Variants in ZNF469 observed in about 807,000 individuals in gnomAD.
ZNF469 encodes zinc finger protein 469.
A neutral mutation model predicts 1.0 loss-of-function variants in ZNF469; 1 was observed. The observed-to-expected ratio is 1.00, with a 90% CI of 0.35 to 4.73. ZNF469 has a LOEUF of 4.73. Ranked by LOEUF, ZNF469 falls within the 30% of genes most tolerant of loss-of-function variation. The pLI is 0.16. For synonymous variants in ZNF469, 2,703 were observed against 2,363.4 expected, an observed-to-expected ratio of 1.14 and a Z score of -4.17; for missense variants, 6,100 against 5,356.3, an observed-to-expected ratio of 1.14 and a Z score of -4.33.
the ZNF469 span, among the ~76,000 whole-genome samples, chr16:88,287,830 C>T: frequency 0.72 from 109,669 of 152,068 alleles, 40,137 homozygotes; most frequent in East Asian, 0.94. Flanking sequence ...GCGCTGACTT[C>T]ATGGTGATCA....
At chr16:88,105,459 C>G in the ZNF469 span, among the ~76,000 whole-genome samples, 8 of 152,074 alleles carry the variant, frequency 5.3e-5, no homozygotes, top group African/African-American at 1.9e-4. Flanking sequence ...CACCTGTGAC[C>G]ACGCCCAGCT....
chr16:88,238,539 C>A, the ZNF469 span, among the ~76,000 whole-genome samples: 7,974 of 152,248 alleles, frequency 0.052, 681 homozygotes, highest in African/African-American at 0.18. Context: ...CTTTCCAAGC[C>A]AACTTGAGGG....
At chr16:88,288,915 T>C in the ZNF469 span, among the ~76,000 whole-genome samples, 167 of 152,256 alleles carry the variant, frequency 1.1e-3, no homozygotes, top group African/African-American at 4.0e-3. Context: ...AGTCATTTAA[T>C]GACAAAGAGC....
the ZNF469 span, among the ~76,000 whole-genome samples, chr16:88,121,822 T>G: frequency 6.6e-6 from 1 of 152,204 alleles, no homozygotes; most frequent in South Asian, 2.1e-4. Flanking sequence ...TGTTTATGAT[T>G]AGGAATTTAT....
chr16:88,321,139 G>C, the ZNF469 span, among the ~76,000 whole-genome samples: 1 of 152,254 alleles, frequency 6.6e-6, no homozygotes, highest in African/African-American at 2.4e-5. Context: ...CAGGGACCAA[G>C]CTCCTCCTGT....
the ZNF469 span, among the ~76,000 whole-genome samples, chr16:88,254,011 A>C: frequency 2.0e-5 from 3 of 152,014 alleles, no homozygotes; most frequent in Non-Finnish European, 2.9e-5. Flanking sequence ...AGAAATTATC[A>C]ATTTTGATAA....
At chr16:88,148,053 AC>A in the ZNF469 span, among the ~76,000 whole-genome samples, 1 of 150,166 alleles carries the variant, frequency 6.7e-6, no homozygotes, top group African/African-American at 2.5e-5. Flanking sequence ...CTGTCTTTGC[AC>A]CCCGCTCTGC....
the ZNF469 span, among the ~76,000 whole-genome samples, chr16:88,334,047 TG>T: frequency 6.6e-6 from 1 of 151,744 alleles, no homozygotes; most frequent in Non-Finnish European, 1.5e-5. Context: ...TGTGTCTCTG[TG>T]TGTCTGTGTC....
chr16:88,285,405 G>A, the ZNF469 span, among the ~76,000 whole-genome samples: 4 of 152,376 alleles, frequency 2.6e-5, no homozygotes, highest in African/African-American at 4.8e-5. Context: ...CCTGGTGGAC[G>A]AAGACAGGCA....
chr16:88,140,473 A>AGG, the ZNF469 span, among the ~76,000 whole-genome samples: 159 of 151,316 alleles, frequency 1.1e-3, no homozygotes, highest in African/African-American at 3.7e-3. Context: ...GGTAGCACGG[A>AGG]AAGTCAGTGA....
the ZNF469 span, among the ~76,000 whole-genome samples, chr16:88,290,646 G>T: frequency 6.6e-6 from 1 of 152,140 alleles, no homozygotes; most frequent in Non-Finnish European, 1.5e-5. Context: ...TACCGATATT[G>T]GGTCCCATCT....
At chr16:88,344,369 A>C in the ZNF469 span, among the ~76,000 whole-genome samples, 2 of 152,082 alleles carry the variant, frequency 1.3e-5, no homozygotes, top group South Asian at 4.1e-4. Context: ...ACGGCAGGGG[A>C]CCCTAAGTGA....
the ZNF469 span, among the ~76,000 whole-genome samples, chr16:88,163,651 TGG>T: frequency 7.1e-6 from 1 of 140,530 alleles, no homozygotes; most frequent in African/African-American, 2.6e-5. Flanking sequence ...GATGGATGGA[TGG>T]ATAGTTGGGT....
chr16:88,293,290 G>A, the ZNF469 span, among the ~76,000 whole-genome samples: 35 of 150,048 alleles, frequency 2.3e-4, no homozygotes, highest in Non-Finnish European at 3.4e-4. Flanking sequence ...GGGTGGACAC[G>A]TGAGTGAATG....
At chr16:88,196,755 C>T in the ZNF469 span, among the ~76,000 whole-genome samples, 3 of 152,230 alleles carry the variant, frequency 2.0e-5, no homozygotes, top group African/African-American at 7.2e-5. Flanking sequence ...AGGCTCAGAG[C>T]TCCACCAACT....
chr16:88,410,117 C>T (rs1905110315), intron 1 of ZNF469, among the ~76,000 whole-genome samples: 1 of 152,184 alleles, frequency 6.6e-6, no homozygotes, highest in Non-Finnish European at 1.5e-5. Flanking sequence ...AGGAAGGTAA[C>T]TTAGCAGATC....
chr16:88,407,775 G>A (rs992046487), intron 1 of ZNF469, among the ~76,000 whole-genome samples: 40 of 152,260 alleles, frequency 2.6e-4, no homozygotes, highest in African/African-American at 9.2e-4. Flanking sequence ...GTGCTCAGAC[G>A]CTGCCTTCTG....
At chr16:88,249,311 T>C in the ZNF469 span, among the ~76,000 whole-genome samples, 1 of 150,910 alleles carries the variant, frequency 6.6e-6, no homozygotes, top group African/African-American at 2.4e-5. Flanking sequence ...CACTGTAGTC[T>C]CGAACTCCTG....
the ZNF469 span, among the ~76,000 whole-genome samples, chr16:88,167,682 CTCCGCTGCGTT>C: frequency 6.6e-6 from 1 of 152,184 alleles, no homozygotes; most frequent in Non-Finnish European, 1.5e-5. Context: ...TCAGGAGCCA[CTCCGCTGCGTT>C]TCCTCATCTC....
Sources: allele counts gnomAD v4.1 joint callset (sites outside exome capture counted in the v4.1 genomes callset), GRCh38; gene constraint gnomAD v4.1.1; transcripts MANE v1.5; gene names NCBI Gene and HGNC (gene_info 2026-07-23, HGNC 2026-07-21).